Variants in MAPK4 observed in about 807,000 individuals in gnomAD.
MAPK4 encodes the protein mitogen-activated protein kinase 4, also known as Erk3-related.
MAPK4 carries 22 observed loss-of-function variants against 47.7 expected under a neutral mutation model. That is an observed-to-expected ratio of 0.46 (90% confidence interval 0.33 to 0.66). The LOEUF (loss-of-function observed/expected upper bound fraction) is 0.66. MAPK4 is among the 30% of genes least tolerant of loss of function. The pLI is 0.02. For missense variants in MAPK4, 736 were observed against 831.7 expected, an observed-to-expected ratio of 0.88 and a Z score of 1.42; for synonymous variants, 390 against 365.7, an observed-to-expected ratio of 1.07 and a Z score of -0.76.
chr18:50,607,429 T>G (rs2042591811), intron 1 of MAPK4, among the ~76,000 whole-genome samples: 1 of 152,186 alleles, frequency 6.6e-6, no homozygotes, highest in Admixed American at 6.5e-5. Flanking sequence ...GGCCTTTGGA[T>G]TTTTTCTTTT....
chr18:50,662,065 G>A (rs184404977), intron 1 of MAPK4, among the ~76,000 whole-genome samples: 11 of 152,250 alleles, frequency 7.2e-5, no homozygotes, highest in African/African-American at 1.9e-4. Context: ...GTTGACTATC[G>A]TTTTTGCTTC....
chr18:50,608,360 G>A (rs1447338291), intron 1 of MAPK4, among the ~76,000 whole-genome samples: 1 of 152,240 alleles, frequency 6.6e-6, no homozygotes, highest in African/African-American at 2.4e-5. Flanking sequence ...GCAAGTCAGT[G>A]AGTAGAGTGG....
chr18:50,578,386 G>A (rs2042316201), intron 1 of MAPK4, among the ~76,000 whole-genome samples: 1 of 152,226 alleles, frequency 6.6e-6, no homozygotes, highest in Non-Finnish European at 1.5e-5. Context: ...AACCCTCAGA[G>A]TTTCCAATTC....
rs149214954 is a variant in MAPK4 at position 50,642,896 on chromosome 18, C to T, written c.-870-20193C>T. ...CTGGGATTATAGGCATAAGCCACCACGCCTGTCCTGCAGCATATTTGATTT... is the reference window on the plus strand; with the variant it reads ...CTGGGATTATAGGCATAAGCCACCATGCCTGTCCTGCAGCATATTTGATTT... On this transcript the variant is annotated intron_variant, in intron 1 of 5. Transcript: ENST00000400384. Among the ~76,000 whole-genome samples the T allele has an allele frequency of 7.2e-3, 1,092 of 152,316 alleles. 12 individuals are homozygous for T. The highest frequency in any genetic ancestry group is 0.042 in the South Asian group (205 of 4,830).
At chr18:50,675,683 G>A (rs1314031152) in intron 2 of MAPK4, among the ~76,000 whole-genome samples, 6 of 152,018 alleles carry the variant, frequency 3.9e-5, no homozygotes, top group Admixed American at 3.9e-4. Flanking sequence ...GTAGAGGCGG[G>A]GTTTCATCAT....
At chr18:50,715,366 G>A (rs1255417656) in intron 3 of MAPK4, 143 bp downstream of exon 3, 1 of 1,016,304 alleles carries the variant, frequency 9.8e-7, no homozygotes, top group Non-Finnish European at 1.4e-6. Flanking sequence ...CTATTTGGAG[G>A]CACCTTATTA....
chr18:50,596,583 C>T (rs2042483659), intron 1 of MAPK4, among the ~76,000 whole-genome samples: 1 of 152,182 alleles, frequency 6.6e-6, no homozygotes, highest in Non-Finnish European at 1.5e-5. Flanking sequence ...TCTCTGCAGT[C>T]TCTCTTGATG....
At chr18:50,612,123 T>C (rs1444114216) in intron 1 of MAPK4, among the ~76,000 whole-genome samples, 2 of 152,224 alleles carry the variant, frequency 1.3e-5, no homozygotes, top group African/African-American at 2.4e-5. Flanking sequence ...AGATTAGTTT[T>C]GTCTGATCTT....
At chr18:50,576,986 T>C (rs2042303101) in intron 1 of MAPK4, among the ~76,000 whole-genome samples, 1 of 152,160 alleles carries the variant, frequency 6.6e-6, no homozygotes, top group East Asian at 1.9e-4. Context: ...GACCCTGCTC[T>C]CCTGGAGCTT....
chr18:50,651,674 G>T (rs190183828), intron 1 of MAPK4, among the ~76,000 whole-genome samples: 1 of 152,184 alleles, frequency 6.6e-6, no homozygotes, highest in Non-Finnish European at 1.5e-5. Flanking sequence ...AGTTAGAACC[G>T]AGGGAATGGT....
intron 2 of MAPK4, among the ~76,000 whole-genome samples, chr18:50,674,853 C>T (rs1908168943): frequency 2.0e-5 from 3 of 152,160 alleles, no homozygotes; most frequent in Admixed American, 6.5e-5. Flanking sequence ...TGTATGAGTT[C>T]ATTCAATGCT....
intron 1 of MAPK4, among the ~76,000 whole-genome samples, chr18:50,636,346 C>T (rs958100113): frequency 6.6e-6 from 1 of 152,232 alleles, no homozygotes; most frequent in African/African-American, 2.4e-5. Context: ...CCCAAGAGGG[C>T]AGGGGCTATG....
intron 2 of MAPK4, among the ~76,000 whole-genome samples, chr18:50,671,658 T>A (rs62092192): frequency 0.97 from 147,190 of 152,200 alleles, 71,351 homozygotes; most frequent in East Asian, 1. Context: ...TTGGGAGGCT[T>A]TGGGAAGACT....
At chr18:50,651,776 C>G (rs16952320) in intron 1 of MAPK4, among the ~76,000 whole-genome samples, 5,135 of 152,292 alleles carry the variant, frequency 0.034, 270 homozygotes, top group African/African-American at 0.11. Flanking sequence ...CTTTGTGTGT[C>G]CTGGAAGAGG....
At chr18:50,622,962 T>C (rs1025624586) in intron 1 of MAPK4, among the ~76,000 whole-genome samples, 1 of 152,244 alleles carries the variant, frequency 6.6e-6, no homozygotes, top group Non-Finnish European at 1.5e-5. Flanking sequence ...AAAAGATTTT[T>C]ATTTTCAGGA....
intron 2 of MAPK4, among the ~76,000 whole-genome samples, chr18:50,692,142 G>A (rs1450391381): frequency 1.3e-5 from 2 of 152,164 alleles, no homozygotes; most frequent in East Asian, 3.8e-4. Context: ...GATTCTTCAG[G>A]CATCAGCTAG....
intron 2 of MAPK4, among the ~76,000 whole-genome samples, chr18:50,671,103 G>A (rs1363708986): frequency 1.3e-5 from 2 of 152,236 alleles, no homozygotes; most frequent in African/African-American, 2.4e-5. Flanking sequence ...AGGTGTGTCT[G>A]AAGCAGGTGC....
At chr18:50,719,949 C>T (rs1186209152) in intron 3 of MAPK4, among the ~76,000 whole-genome samples, 1 of 152,188 alleles carries the variant, frequency 6.6e-6, no homozygotes, top group Non-Finnish European at 1.5e-5. Context: ...GGGAGGAACA[C>T]CTTCCCCGGA....
At chr18:50,606,116 GA>G (rs2042581436) in intron 1 of MAPK4, among the ~76,000 whole-genome samples, 1 of 152,140 alleles carries the variant, frequency 6.6e-6, no homozygotes, top group South Asian at 2.1e-4. Flanking sequence ...GAGCACTGCA[GA>G]GGGAATGGGA....
Sources: gnomAD v4.1 joint callset for allele counts (sites outside exome capture counted in the v4.1 genomes callset) on GRCh38, gnomAD v4.1.1 for gene constraint, MANE v1.5 for transcripts, NCBI Gene and HGNC (gene_info 2026-07-23, HGNC 2026-07-21) for gene names.